Variants in PLEKHG5 observed in about 807,000 individuals in gnomAD.
PLEKHG5 encodes the protein pleckstrin homology domain-containing family G member 5.
In PLEKHG5, 52 loss-of-function variants were observed where a neutral mutation model predicts 103.8. The ratio of observed to expected loss-of-function variants is 0.50; its 90% CI spans 0.40 to 0.63. The LOEUF is 0.63. Ranked by LOEUF, PLEKHG5 falls within the 30% of genes least tolerant of loss-of-function variation. The pLI is 0.00. For synonymous variants in PLEKHG5, 592 were observed against 575.5 expected (o/e 1.03, Z -0.41); for missense variants, 1,205 against 1,347.6 (o/e 0.89, Z 1.66).
upstream of PLEKHG5, chr1:6,496,560 C>T: frequency 4.4e-6 from 7 of 1,575,500 alleles, no homozygotes; most frequent in Non-Finnish European, 5.2e-6. Flanking sequence ...TTCAGCGGGG[C>T]TCTGGTCGTC....
rs1453195532 is a variant in PLEKHG5, at chr1:6,471,803, G to A, written c.1086C>T (p.Phe362=). 14 of 1,608,026 alleles carry A rather than the reference G, an allele frequency of 8.7e-6. No homozygotes were observed. Among genetic ancestry groups the A allele is most frequent in the Non-Finnish European group, 1.1e-5 (13 of 1,177,464 alleles). The change falls in exon 11 of 21, where the codon TTC becomes TTT. Residue 362 remains phenylalanine, a synonymous_variant. Coordinates refer to ENST00000377728, the MANE Select transcript of PLEKHG5 (RefSeq NM_020631.6). ...CTTGCAGGTTCAGGAGGCAGCACAG[G>A]AACAGCTGTGGGATCAGGGGATGGT... ...IRKLRVIINL[F]LCCLLNLQES...
chr1:6,472,674 G>A, intron 9 of PLEKHG5, 52 bp from the exon 10 acceptor site: 2 of 1,361,208 alleles, frequency 1.5e-6, no homozygotes, highest in Non-Finnish European at 2.1e-6. Flanking sequence ...ACCTTAGGGT[G>A]GCCGGGGAGG....
At position 6,469,533 on chromosome 1, in the gene PLEKHG5, G is replaced by C. The variant is rs1644504392; in HGVS notation, c.1933+11C>G. The C allele has an allele frequency of 2.5e-6, 4 of 1,613,750 alleles. No homozygotes were observed. In the South Asian group the frequency reaches 4.4e-5, roughly 18 times the overall value. On this transcript the variant is annotated intron_variant, in intron 17 of 20. Transcript: ENST00000377728. ...GCCCCTGACCAGGAACAGGGGACCA[G>C]GGCTCCTTACCAGGGTCCCGTAGCT... is the stretch of plus-strand genomic sequence containing the variant.
rs748889339 is a variant in PLEKHG5, at chr1:6,470,308, G to T, written c.1728C>A (p.Gly576=). 6.2e-7 allele frequency: 1 copy of T among 1,613,964 alleles called. No homozygotes were observed. Among genetic ancestry groups the T allele is most frequent in the Non-Finnish European group, 8.5e-7 (1 of 1,179,972 alleles). ...GCTGCCGCGTCTCCTCCGGGGAGGC[G>T]CCAGGGATGGGCGCTGTCAAGTCCA... ...LHLDLTAPIP[G]ASPEETRQLL... Residue 576 remains glycine (G), a synonymous_variant, in exon 16 of 21, where the codon GGC becomes GGA. Coordinates refer to ENST00000377728, the MANE Select transcript of PLEKHG5 (RefSeq NM_020631.6).
upstream of PLEKHG5, among the ~76,000 whole-genome samples, chr1:6,493,615 G>C (rs1022890997): frequency 4.6e-5 from 7 of 152,158 alleles, no homozygotes; most frequent in Admixed American, 1.3e-4. Context: ...GCCCCGCCTG[G>C]CATGTAAACA....
chr1:6,498,690 A>T (rs1645262328), upstream of PLEKHG5, among the ~76,000 whole-genome samples: 1 of 152,028 alleles, frequency 6.6e-6, no homozygotes, highest in Admixed American at 6.5e-5. Context: ...GCTGAGAGGG[A>T]AGCAGCTGCC....
chr1:6,470,803 G>A lies in PLEKHG5; in HGVS notation c.1474C>T (p.Pro492Ser), dbSNP rs1644549209. ...AKPHQRLTKY[P>S]LLLKSVLRKT... The stretch of plus-strand genomic sequence containing the variant: ...CTCAGCACCGACTTGAGCAGCAGCG[G>A]GTACTTGGTGAGCCGCTGGTGGGGT... Residue 492 changes from proline (P) to serine (S), a missense_variant, in exon 14 of 21, where the codon CCG (proline) becomes TCG (serine). By Grantham distance (74) the Pro-to-Ser change is moderately conservative. Coordinates refer to ENST00000377728, the MANE Select transcript of PLEKHG5 (RefSeq NM_020631.6). 1 of 1,576,000 alleles carries A rather than the reference G, an allele frequency of 6.3e-7. No individual in the cohort carries two copies. The highest frequency in any genetic ancestry group is 8.6e-7 in the Non-Finnish European group (1 of 1,161,498).
chr1:6,490,894 T>TA lies in PLEKHG5; in HGVS notation c.-88+742dup, dbSNP rs1419797197. ...GAGCTCGCCCATCCCGGAAGGGGGCTAGGGGGGACCAGGGCCCGCGACAGG... is the reference window on the plus strand; with the variant it reads ...GAGCTCGCCCATCCCGGAAGGGGGCTAAGGGGGGACCAGGGCCCGCGACAGG... On this transcript the variant is annotated intron_variant, in intron 1 of 20. Transcript: ENST00000377728. This position sits in a 1 kb window ranked among gnomAD's most constrained non-coding sequence, Gnocchi z 8.0. 6.6e-6 allele frequency among the ~76,000 whole-genome samples: 1 copy of TA among 151,888 alleles called. No individual in the cohort carries two copies. The highest frequency in any genetic ancestry group is 1.5e-5 in the Non-Finnish European group (1 of 67,956).
At chr1:6,508,683 G>A (rs777314539) in intron 1 of PLEKHG5, among the ~76,000 whole-genome samples, 39 of 152,244 alleles carry the variant, frequency 2.6e-4, no homozygotes, top group Admixed American at 5.2e-4. Context: ...TGCCTTCAGG[G>A]ACAGCTGTCT....
At chr1:6,497,292 C>T, upstream of PLEKHG5, 1 of 1,002,856 alleles carries the variant, frequency 1.0e-6, no homozygotes. The surrounding 1 kb of genome is among the most constrained non-coding windows in gnomAD (Gnocchi z 6.1). Context: ...CCCCGCCCCG[C>T]GTCCGCCGGG....
intron 1 of PLEKHG5, among the ~76,000 whole-genome samples, chr1:6,507,832 C>G (rs1372883298): frequency 6.6e-6 from 1 of 152,208 alleles, no homozygotes; most frequent in Non-Finnish European, 1.5e-5. Context: ...CTGGCACCCA[C>G]ACGACCTGGG....
chr1:6,518,559 C>A (rs796150196), intron 1 of PLEKHG5, among the ~76,000 whole-genome samples: 2,071 of 67,638 alleles, frequency 0.031, 46 homozygotes, highest in South Asian at 0.11. Context: ...AACTCCATCC[C>A]AAAAAAAAAA....
chr1:6,479,041 C>CTT (rs58444261), intron 1 of PLEKHG5, among the ~76,000 whole-genome samples: 1 of 152,090 alleles, frequency 6.6e-6, no homozygotes, highest in Non-Finnish European at 1.5e-5. Flanking sequence ...ACCACATCTG[C>CTT]TTCTCTCCCA....
upstream of PLEKHG5, among the ~76,000 whole-genome samples, chr1:6,494,216 T>A (rs188834630): frequency 5.2e-3 from 765 of 147,774 alleles, 6 homozygotes; most frequent in African/African-American, 0.018. Context: ...CTGCAACCTC[T>A]GCCTCCCAGG....
rs1644497374 is a variant in PLEKHG5, at chr1:6,469,338, G to T, written c.2046C>A (p.Ala682=). The T allele has an allele frequency of 6.2e-7, 1 of 1,613,708 alleles. No individual in the cohort carries two copies. The highest frequency in any genetic ancestry group is 1.7e-5 in the Admixed American group (1 of 60,016). Reference sequence around the variant, plus strand: ...CCACTCACTACTCTGCACTCACCTGGGCATTGTAAATGGTGTCCACCCAGC... The same window carrying T: ...CCACTCACTACTCTGCACTCACCTGTGCATTGTAAATGGTGTCCACCCAGC... ...CRGWVDTIYN[A]QNQLQQLRAQ... is the part of the protein sequence containing the mutation. The change falls in exon 18 of 21, where the codon GCC becomes GCA. Residue 682 remains alanine, a synonymous_variant. Coordinates refer to ENST00000377728, the MANE Select transcript of PLEKHG5 (RefSeq NM_020631.6).
rs537613649 is a variant in PLEKHG5, at chr1:6,477,794, C to A, written c.-87-136G>T. 2,779 of 787,338 alleles carry A rather than the reference C, an allele frequency of 3.5e-3. 15 individuals carry two copies. Among genetic ancestry groups the A allele is most frequent in the Non-Finnish European group, 3.7e-3 (1,793 of 490,712 alleles). 48.8% of individuals were successfully genotyped at this position (787,338 alleles called of 1,614,324 possible). A position where few individuals can be genotyped will look rare whatever the true frequency, so the allele number is the denominator to read the frequency against. ...GGGTGAGGAGACGCCCCCCAGCAGT[C>A]CCCCCTCTCCCACATCATCAAGTTT... On this transcript the variant is annotated intron_variant, in intron 1 of 20. Transcript: ENST00000377728.
intron 7 of PLEKHG5, 86 bp from the exon 8 acceptor site, chr1:6,473,540 A>G: frequency 1.9e-6 from 2 of 1,069,584 alleles, no homozygotes; most frequent in Non-Finnish European, 2.6e-6. Context: ...GCCTCAGGCC[A>G]GCCTGGGATG....
chr1:6,500,198 A>C (rs1303918003), upstream of PLEKHG5, among the ~76,000 whole-genome samples: 1 of 152,200 alleles, frequency 6.6e-6, no homozygotes, highest in Non-Finnish European at 1.5e-5. Context: ...AGGAGCCCAC[A>C]GGCAGGACTA....
At chr1:6,472,665 C>T (rs1644629427) in intron 9 of PLEKHG5, 43 bp from the exon 10 acceptor site, 12 of 1,452,368 alleles carry the variant, frequency 8.3e-6, no homozygotes, top group Non-Finnish European at 1.2e-5. Flanking sequence ...GCCTGGAGCA[C>T]CTTAGGGTGG....
Sources: gnomAD v4.1 joint callset for allele counts (sites outside exome capture counted in the v4.1 genomes callset) on GRCh38, gnomAD v4.1.1 for gene constraint, Gnocchi (gnomAD v3.1) non-coding constraint, MANE v1.5 for transcripts, NCBI Gene and HGNC (gene_info 2026-07-23, HGNC 2026-07-21) for gene names.